RCAN2: variants seen among roughly 807,000 people sequenced by gnomAD.
The protein encoded by RCAN2 is calcipressin-2.
In RCAN2, 9 loss-of-function variants were observed where a neutral mutation model predicts 23.6. The observed-to-expected ratio is 0.38, with a 90% CI of 0.23 to 0.67. The LOEUF (loss-of-function observed/expected upper bound fraction) is 0.67, where lower values mean the gene tolerates loss of function less well. RCAN2 is among the 30% of genes least tolerant of loss of function. The probability of loss-of-function intolerance (pLI) is 0.51; values close to 1 mark genes in which losing one functional copy is unlikely to be tolerated. For missense variants in RCAN2, 273 were observed against 302.3 expected (o/e 0.90, Z 0.72); for synonymous variants, 109 against 115.7 (o/e 0.94, Z 0.37).
At chr6:46,415,214 C>A (rs888577969) in intron 2 of RCAN2, among the ~76,000 whole-genome samples, 1 of 152,170 alleles carries the variant, frequency 6.6e-6, no homozygotes, top group East Asian at 1.9e-4. Context: ...ATGAGCAGAA[C>A]TGAGCTGATG....
chr6:46,477,339 T>C (rs1768743137), intron 1 of RCAN2, among the ~76,000 whole-genome samples: 2 of 152,208 alleles, frequency 1.3e-5, no homozygotes, highest in Non-Finnish European at 2.9e-5. Flanking sequence ...GCTCAATTTA[T>C]AAAAATGATA....
intron 4 of RCAN2, among the ~76,000 whole-genome samples, chr6:46,232,239 T>C (rs1008033778): frequency 9.9e-5 from 15 of 152,270 alleles, no homozygotes; most frequent in Admixed American, 9.8e-4. Flanking sequence ...ATATGCGGTA[T>C]AGTGCTGTAT....
intron 2 of RCAN2, among the ~76,000 whole-genome samples, chr6:46,277,182 G>A (rs762616727): frequency 6.6e-6 from 1 of 152,312 alleles, no homozygotes; most frequent in Non-Finnish European, 1.5e-5. Flanking sequence ...TTTGTGGAAC[G>A]TGTTGGTTTT....
rs537711993 is a variant in RCAN2 at position 46,320,847 on chromosome 6, C to T, written c.226-71951G>A. 1.1e-4 allele frequency among the ~76,000 whole-genome samples: 16 copies of T among 152,186 alleles called. No homozygotes were observed. The South Asian group carries it at 2.3e-3, about 22-fold the overall frequency. ...CCTAAGAGAGCTATTGGGCTTAAAA[C>T]GTAGCATGAGGGAATTAGGTTAAGT... On this transcript the variant is annotated intron_variant, in intron 2 of 4. Transcript: ENST00000371374.
chr6:46,425,871 A>C (rs1390688636), intron 2 of RCAN2, among the ~76,000 whole-genome samples: 2 of 151,186 alleles, frequency 1.3e-5, no homozygotes, highest in Non-Finnish European at 2.9e-5. Context: ...GTTTGTTCAG[A>C]TAGAGGCTAA....
intron 2 of RCAN2, among the ~76,000 whole-genome samples, chr6:46,409,842 A>G (rs1766498763): frequency 6.6e-6 from 1 of 152,206 alleles, no homozygotes; most frequent in Non-Finnish European, 1.5e-5. Flanking sequence ...GGATGCCCAG[A>G]TAGCTGGAAA....
intron 2 of RCAN2, among the ~76,000 whole-genome samples, chr6:46,269,281 G>T (rs75794245): frequency 6.6e-6 from 1 of 151,820 alleles, no homozygotes; most frequent in Admixed American, 6.6e-5. Flanking sequence ...TTATTTTTCA[G>T]ATCATTAACT....
At chr6:46,246,569 G>A (rs1426802265) in intron 4 of RCAN2, among the ~76,000 whole-genome samples, 179 bp downstream of exon 4, 1 of 152,064 alleles carries the variant, frequency 6.6e-6, no homozygotes, top group African/African-American at 2.4e-5. Context: ...TTTTTGAACG[G>A]GTGCAAAGTC....
Position 46,456,820 on chromosome 6 carries a change from T to C in RCAN2, c.157A>G (p.Asn53Asp). 1.3e-6 allele frequency: 2 copies of C among 1,550,776 alleles called. No homozygotes were observed. The highest frequency in any genetic ancestry group is 1.7e-6 in the Non-Finnish European group (2 of 1,147,048). ...GCAAACAACGAGTTGGGGAGGTCAT[T>C]GAAGTCAGTGATTGCTTGAAAGGCT... Reference protein sequence around the residue: ...EEAFQAITDFNDLPNSLFACN... With the variant: ...EEAFQAITDFDDLPNSLFACN... The change falls in exon 2 of 5, where the codon AAT (asparagine) becomes GAT (aspartate). Residue 53 changes from asparagine (N) to aspartate (D), a missense_variant. Transcript: ENST00000371374.
intron 2 of RCAN2, among the ~76,000 whole-genome samples, chr6:46,354,247 G>C (rs1358811652): frequency 7.0e-6 from 1 of 142,522 alleles, no homozygotes; most frequent in Non-Finnish European, 1.5e-5. Context: ...GTGTGTGTGT[G>C]TGTGTGTGTA....
At chr6:46,303,577 C>T (rs979495756) in intron 2 of RCAN2, among the ~76,000 whole-genome samples, 1 of 152,018 alleles carries the variant, frequency 6.6e-6, no homozygotes. Flanking sequence ...ATCATTGTAA[C>T]CCCTGCCCAG....
chr6:46,472,570 G>T (rs1768590382), intron 1 of RCAN2, among the ~76,000 whole-genome samples: 1 of 152,096 alleles, frequency 6.6e-6, no homozygotes, highest in Non-Finnish European at 1.5e-5. Flanking sequence ...AATCCCCCAT[G>T]ATGCTGTCTT....
rs1438758036 is a variant in RCAN2, at chr6:46,491,160, T to C, written c.-3+13A>G. The C allele has an allele frequency of 6.6e-6, 1 of 150,946 alleles. No individual in the cohort carries two copies. The highest frequency in any genetic ancestry group is 2.0e-4 in the East Asian group (1 of 5,058). 9.4% of individuals were successfully genotyped at this position (150,946 alleles called of 1,614,324 possible). Reference sequence around the variant, plus strand: ...GCCTGGGCGAGCCTGGCCGGCGCGGTTACATAACCGACCTGCTGGGCGTCC... The same window carrying C: ...GCCTGGGCGAGCCTGGCCGGCGCGGCTACATAACCGACCTGCTGGGCGTCC... On this transcript the variant is annotated intron_variant, in intron 1 of 4. Coordinates refer to ENST00000371374, the MANE Select transcript of RCAN2 (RefSeq NM_001251974.2).
At chr6:46,417,359 C>T (rs866780347) in intron 2 of RCAN2, among the ~76,000 whole-genome samples, 2 of 152,090 alleles carry the variant, frequency 1.3e-5, no homozygotes, top group Non-Finnish European at 2.9e-5. Flanking sequence ...AGAGCTCTCA[C>T]GTAAGATTTA....
chr6:46,334,532 T>C (rs530019682), intron 2 of RCAN2, among the ~76,000 whole-genome samples: 12 of 152,160 alleles, frequency 7.9e-5, no homozygotes, highest in Non-Finnish European at 1.5e-4. Context: ...TAAATGAAGA[T>C]GACTCAGGTC....
intron 2 of RCAN2, among the ~76,000 whole-genome samples, chr6:46,308,220 T>C (rs191716966): frequency 1.5e-3 from 231 of 152,272 alleles, no homozygotes; most frequent in African/African-American, 5.4e-3. Flanking sequence ...TTATTATATA[T>C]GGGAATGTGA....
intron 4 of RCAN2, 63 bp from the exon 5 acceptor site, chr6:46,223,364 G>A (rs1163712163): frequency 3.3e-6 from 5 of 1,510,836 alleles, no homozygotes; most frequent in East Asian, 2.3e-5. Flanking sequence ...TCCTGGAGCA[G>A]GGTCTGCTTA....
chr6:46,392,010 C>T (rs954861023), intron 2 of RCAN2, among the ~76,000 whole-genome samples: 11 of 152,138 alleles, frequency 7.2e-5, no homozygotes, highest in South Asian at 2.1e-4. Flanking sequence ...CAAGTTTTGC[C>T]GAATGGTGGA....
chr6:46,248,602 T>G (rs1766602228), intron 3 of RCAN2, 121 bp downstream of exon 3: 1 of 770,450 alleles, frequency 1.3e-6, no homozygotes, highest in African/African-American at 1.8e-5. Flanking sequence ...GGTCTATTTC[T>G]CAGTGAATTA....
Sources: allele counts gnomAD v4.1 joint callset (sites outside exome capture counted in the v4.1 genomes callset), GRCh38; gene constraint gnomAD v4.1.1; transcripts MANE v1.5; gene names NCBI Gene and HGNC (gene_info 2026-07-23, HGNC 2026-07-21).